Variants in LINGO2 observed in about 807,000 individuals in gnomAD.
LINGO2 encodes leucine rich repeat and Ig domain containing 2, also known as leucine-rich repeat and immunoglobulin-like domain-containing nogo receptor-interacting protein 2.
A neutral mutation model predicts 30.6 loss-of-function variants in LINGO2; 14 were observed. That is an observed-to-expected ratio of 0.46 (90% confidence interval 0.30 to 0.72). The LOEUF is 0.72. Among genes scored for constraint, LINGO2 ranks in the 30% least tolerant of loss-of-function variants. The pLI, the probability that LINGO2 is intolerant of heterozygous loss-of-function variation, is 0.07. For missense variants in LINGO2, 729 were observed against 751.7 expected (o/e 0.97, Z 0.35); for synonymous variants, 317 against 288.5 (o/e 1.10, Z -1.00).
At chr9:29,094,896 CT>C in the LINGO2 span, among the ~76,000 whole-genome samples, 1 of 138,558 alleles carries the variant, frequency 7.2e-6, no homozygotes, top group South Asian at 2.2e-4. Context: ...ATTTTATATT[CT>C]TTTAGGTATA....
At chr9:28,666,337 T>A (rs1158119599) in intron 1 of LINGO2, among the ~76,000 whole-genome samples, 2 of 152,142 alleles carry the variant, frequency 1.3e-5, no homozygotes, top group Non-Finnish European at 2.9e-5. Flanking sequence ...GAAATATATA[T>A]AACCAATGTC....
intron 1 of LINGO2, among the ~76,000 whole-genome samples, chr9:28,507,212 A>AGTGTGTGTGTGT (rs74182511): frequency 0.026 from 3,812 of 148,916 alleles, 112 homozygotes; most frequent in African/African-American, 0.072. Flanking sequence ...ATTTCAGAGG[A>AGTGTGTGTGTGT]GTGTGTGTGT....
chr9:28,877,702 T>C, the LINGO2 span, among the ~76,000 whole-genome samples: 255 of 152,324 alleles, frequency 1.7e-3, no homozygotes, highest in African/African-American at 5.8e-3. Flanking sequence ...TCCAGCTTTG[T>C]TCTTTTGGCT....
chr9:29,076,053 T>A, the LINGO2 span, among the ~76,000 whole-genome samples: 1 of 151,882 alleles, frequency 6.6e-6, no homozygotes, highest in African/African-American at 2.4e-5. Context: ...TAATTTTCGT[T>A]GTTTTTGTAG....
chr9:29,195,286 AT>A, the LINGO2 span, among the ~76,000 whole-genome samples: 13 of 151,946 alleles, frequency 8.6e-5, no homozygotes, highest in East Asian at 2.3e-3. Context: ...CATTTTATTG[AT>A]TTTATTGTTT....
intron 2 of LINGO2, among the ~76,000 whole-genome samples, chr9:28,464,762 C>T (rs1459079520): frequency 1.3e-5 from 2 of 152,214 alleles, no homozygotes; most frequent in Non-Finnish European, 2.9e-5. Flanking sequence ...TAGCTCACTA[C>T]TTAAGGTTTC....
At chr9:28,295,330 C>T (rs540615402) in exon 4 of LINGO2, 2 of 152,710 alleles carry the variant, frequency 1.3e-5, no homozygotes, top group Non-Finnish European at 1.5e-5. Context: ...GCAGCAGCAT[C>T]TCTCAGAGTC....
At chr9:28,058,422 A>G (rs1039683252) in intron 4 of LINGO2, among the ~76,000 whole-genome samples, 1 of 152,300 alleles carries the variant, frequency 6.6e-6, no homozygotes, top group East Asian at 1.9e-4. Context: ...CAAGAGAGTG[A>G]GTGCTACAAT....
chr9:27,951,303 A>G (rs567030819), intron 5 of LINGO2, among the ~76,000 whole-genome samples: 1 of 152,334 alleles, frequency 6.6e-6, no homozygotes, highest in East Asian at 1.9e-4. Flanking sequence ...CGCATCTTTC[A>G]TCACTTAGCA....
the LINGO2 span, among the ~76,000 whole-genome samples, chr9:28,739,949 TA>T: frequency 4.4e-4 from 57 of 129,038 alleles, no homozygotes; most frequent in African/African-American, 1.8e-3. Flanking sequence ...TATATATATA[TA>T]TTTTTTTTTT....
intron 2 of LINGO2, among the ~76,000 whole-genome samples, chr9:28,399,111 A>T (rs964647429): frequency 2.6e-5 from 4 of 152,216 alleles, no homozygotes; most frequent in Admixed American, 2.0e-4. Context: ...ATCCTACCAG[A>T]AGAGAAAATC....
intron 1 of LINGO2, among the ~76,000 whole-genome samples, chr9:28,504,987 G>A (rs922557370): frequency 3.3e-5 from 5 of 151,828 alleles, no homozygotes; most frequent in African/African-American, 7.2e-5. Flanking sequence ...TGATTGCAGG[G>A]AAGGGTTCAA....
the LINGO2 span, among the ~76,000 whole-genome samples, chr9:29,135,376 G>A: frequency 2.0e-5 from 3 of 151,950 alleles, no homozygotes; most frequent in Non-Finnish European, 4.4e-5. Context: ...TGGCCAACAT[G>A]GTGAAACCCC....
At chr9:28,048,299 G>C (rs931666472) in intron 4 of LINGO2, among the ~76,000 whole-genome samples, 5 of 150,966 alleles carry the variant, frequency 3.3e-5, no homozygotes, top group African/African-American at 1.2e-4. Context: ...CCTCTACTAA[G>C]TGAAAACATT....
chr9:28,099,887 C>T (rs1340966766), intron 4 of LINGO2, among the ~76,000 whole-genome samples: 2 of 152,114 alleles, frequency 1.3e-5, no homozygotes, highest in Non-Finnish European at 2.9e-5. Flanking sequence ...TAATGCTGCT[C>T]CCTCTGTCTG....
chr9:28,229,852 C>G (rs73645620), intron 4 of LINGO2, among the ~76,000 whole-genome samples: 2 of 151,736 alleles, frequency 1.3e-5, no homozygotes, highest in Non-Finnish European at 3.0e-5. Flanking sequence ...TCATGTATCC[C>G]TAGCCCATTT....
At chr9:27,989,459 G>C (rs200875572) in intron 5 of LINGO2, among the ~76,000 whole-genome samples, 37,872 of 151,124 alleles carry the variant, frequency 0.25, 5,314 homozygotes, top group South Asian at 0.35. Flanking sequence ...GTGTGTGTGT[G>C]TGTGTGTGTG....
chr9:28,991,363 T>A, the LINGO2 span, among the ~76,000 whole-genome samples: 1 of 151,396 alleles, frequency 6.6e-6, no homozygotes, highest in South Asian at 2.1e-4. Flanking sequence ...TATGGGACTA[T>A]GTGAAAAGAC....
At chr9:28,132,717 T>G (rs1242557451) in intron 4 of LINGO2, among the ~76,000 whole-genome samples, 2 of 152,238 alleles carry the variant, frequency 1.3e-5, no homozygotes, top group African/African-American at 2.4e-5. Flanking sequence ...CATATGTTGA[T>G]TCAACGAAAA....
Sources: gnomAD v4.1 joint callset for allele counts (sites outside exome capture counted in the v4.1 genomes callset) on GRCh38, gnomAD v4.1.1 for gene constraint, MANE v1.5 for transcripts, NCBI Gene and HGNC (gene_info 2026-07-23, HGNC 2026-07-21) for gene names.